BDNF: variants seen among roughly 807,000 people sequenced by gnomAD.
BDNF encodes neurotrophic factor BDNF precursor form.
A neutral mutation model predicts 19.5 loss-of-function variants in BDNF; 1 was observed. The observed-to-expected ratio is 0.05, with a 90% CI of 0.02 to 0.24. BDNF has a LOEUF of 0.24. BDNF is among the 10% of genes least tolerant of loss of function. BDNF has a pLI of 1.00. For synonymous variants in BDNF, 100 were observed against 121.6 expected (o/e 0.82, Z 1.17); for missense variants, 195 against 317.6 (o/e 0.61, Z 2.93).
At chr11:27,687,297 A>G (rs12575096) in intron 1 of BDNF, among the ~76,000 whole-genome samples, 25,304 of 152,170 alleles carry the variant, frequency 0.17, 2,894 homozygotes, top group East Asian at 0.47. Context: ...TATTCTAGTT[A>G]GCAATTCCTC....
At position 27,669,380 on chromosome 11, in the gene BDNF, C is replaced by G. The variant is rs1453562914; in HGVS notation, c.-21-10795G>C. Reference sequence around the variant, plus strand: ...GATGTCCTCTGTCACCACTCCTATTCAACATAGTATTGGACGTTCTAGCCA... The same window carrying G: ...GATGTCCTCTGTCACCACTCCTATTGAACATAGTATTGGACGTTCTAGCCA... On this transcript the variant is annotated intron_variant, in intron 1 of 1. Transcript: ENST00000356660. 2.0e-5 allele frequency among the ~76,000 whole-genome samples: 3 copies of G among 152,152 alleles called. No individual in the cohort carries two copies. The East Asian group carries it at 5.8e-4, about 29-fold the overall frequency.
At chr11:27,708,367 A>G (rs1860193060) in intron 1 of BDNF, among the ~76,000 whole-genome samples, 1 of 152,230 alleles carries the variant, frequency 6.6e-6, no homozygotes, top group South Asian at 2.1e-4. Context: ...AACTAATTAG[A>G]GCAAAGTGAG....
chr11:27,718,364 G>A (rs75707145), intron 1 of BDNF, among the ~76,000 whole-genome samples: 1 of 81,948 alleles, frequency 1.2e-5, no homozygotes, highest in Non-Finnish European at 2.3e-5. Context: ...ACCCCCCCCC[G>A]CCCCTCCCGG....
intron 1 of BDNF, among the ~76,000 whole-genome samples, chr11:27,713,186 A>G (rs1271815240): frequency 6.6e-6 from 1 of 152,196 alleles, no homozygotes; most frequent in Non-Finnish European, 1.5e-5. Flanking sequence ...GGCGTTAGCC[A>G]CCACACTGGG....
chr11:27,697,952 AT>A (rs898796406), intron 1 of BDNF: 4 of 152,152 alleles, frequency 2.6e-5, no homozygotes, highest in African/African-American at 9.7e-5. Flanking sequence ...TGCTTATATC[AT>A]TTATAAATAG....
chr11:27,677,423 T>C (rs1264568566), intron 1 of BDNF: 3 of 152,090 alleles, frequency 2.0e-5, no homozygotes, highest in African/African-American at 7.2e-5. Context: ...TAAAATAGTG[T>C]ATATATGGCT....
chr11:27,665,854 G>A (rs956633868), intron 1 of BDNF, among the ~76,000 whole-genome samples: 6 of 152,202 alleles, frequency 3.9e-5, no homozygotes, highest in African/African-American at 1.4e-4. Context: ...GGGCACAGCT[G>A]AACAAAAGAC....
At position 27,657,542 on chromosome 11, in the gene BDNF, A is replaced by T; in HGVS notation, c.*279T>A. 1 of 1,168,862 alleles carries T rather than the reference A, an allele frequency of 8.6e-7. No individual in the cohort carries two copies. The highest frequency in any genetic ancestry group is 1.1e-6 in the Non-Finnish European group (1 of 944,906). The allele number at this position is 1,168,862 out of a possible 1,614,324, so 72.4% of individuals were successfully genotyped here. A position where few individuals can be genotyped will look rare whatever the true frequency, so the allele number is the denominator to read the frequency against. On this transcript the variant is annotated 3_prime_UTR_variant, in exon 2 of 2. Transcript: ENST00000356660. The surrounding 1 kb of genome is among the most constrained non-coding windows in gnomAD (Gnocchi z 5.0). Reference sequence around the variant, plus strand: ...CAGCATGCAATTTATTATTTTTTTTAACTTTTTATGTTTTCAGTTCTTGGC... The same window carrying T: ...CAGCATGCAATTTATTATTTTTTTTTACTTTTTATGTTTTCAGTTCTTGGC...
chr11:27,661,981 C>T (rs901131515), intron 1 of BDNF, among the ~76,000 whole-genome samples: 12 of 137,808 alleles, frequency 8.7e-5, no homozygotes, highest in Non-Finnish European at 4.9e-5. Context: ...TTACGTAGTA[C>T]TTGATTCCCT....
intron 1 of BDNF, among the ~76,000 whole-genome samples, chr11:27,680,798 C>T (rs1200892930): frequency 6.6e-6 from 1 of 152,158 alleles, no homozygotes; most frequent in Admixed American, 6.6e-5. Context: ...TAAAAAGTTA[C>T]CATTTATTCA....
At chr11:27,704,123 A>C (rs1564992550), upstream of BDNF, among the ~76,000 whole-genome samples, 1 of 152,220 alleles carries the variant, frequency 6.6e-6, no homozygotes, top group Non-Finnish European at 1.5e-5. Flanking sequence ...CTCTGGCATA[A>C]TTGATATGTT....
chr11:27,688,244 C>T (rs961100231), intron 1 of BDNF, among the ~76,000 whole-genome samples: 2 of 152,168 alleles, frequency 1.3e-5, no homozygotes, highest in South Asian at 4.1e-4. Context: ...TCAGTAATGG[C>T]GGATGCCCCT....
chr11:27,657,763 T>C lies in BDNF; in HGVS notation c.*58A>G. The C allele has an allele frequency of 6.3e-7, 1 of 1,597,278 alleles. No homozygotes were observed. The highest frequency in any genetic ancestry group is 2.2e-5 in the East Asian group (1 of 44,538). On this transcript the variant is annotated 3_prime_UTR_variant, in exon 2 of 2. Transcript: ENST00000356660. This position sits in a 1 kb window ranked among gnomAD's most constrained non-coding sequence, Gnocchi z 5.0. The stretch of plus-strand genomic sequence containing the variant: ...ACTGAATAATTTACCCTGTTATGTA[T>C]ATATACAAATAGATAATTTTTGTCT...
At chr11:27,659,178 C>CT in intron 1 of BDNF, 1 of 1,000,208 alleles carries the variant, frequency 1.0e-6, no homozygotes, top group Non-Finnish European at 1.2e-6. Context: ...CAGAGATACT[C>CT]TATTATAGCA....
chr11:27,674,607 C>T, intron 1 of BDNF: 3 of 985,136 alleles, frequency 3.0e-6, no homozygotes, highest in Non-Finnish European at 3.6e-6. Context: ...ATCCATATGG[C>T]TGGCCAGAAA....
intron 1 of BDNF, among the ~76,000 whole-genome samples, chr11:27,666,378 A>G (rs748820009): frequency 1.3e-5 from 2 of 152,234 alleles, no homozygotes; most frequent in Non-Finnish European, 2.9e-5. Flanking sequence ...CTCCAAAGGA[A>G]TGCAGCTCCT....
chr11:27,676,844 A>G (rs1856186565), intron 1 of BDNF: 3 of 152,228 alleles, frequency 2.0e-5, no homozygotes, highest in Admixed American at 2.0e-4. Context: ...AGCTGAGAAA[A>G]GAGCATTGAA....
intron 1 of BDNF, among the ~76,000 whole-genome samples, chr11:27,669,554 C>T (rs917017479): frequency 6.6e-6 from 1 of 152,184 alleles, no homozygotes; most frequent in African/African-American, 2.4e-5. Context: ...GCAACTTCAG[C>T]AAAGTCTCAG....
exon 1 of BDNF, chr11:27,721,734 G>T (rs1860742595): frequency 4.3e-6 from 2 of 463,150 alleles, no homozygotes; most frequent in South Asian, 2.6e-5. Context: ...AATGAGCGAG[G>T]TTACCAATGA....
Sources: gnomAD v4.1 joint callset for allele counts (sites outside exome capture counted in the v4.1 genomes callset) on GRCh38, gnomAD v4.1.1 for gene constraint, Gnocchi (gnomAD v3.1) non-coding constraint, MANE v1.5 for transcripts, NCBI Gene and HGNC (gene_info 2026-07-23, HGNC 2026-07-21) for gene names.